GRM1: variants seen among roughly 807,000 people sequenced by gnomAD.
GRM1 encodes metabotropic glutamate receptor 1.
In GRM1, 33 loss-of-function variants were observed where a neutral mutation model predicts 90.9. The ratio of observed to expected loss-of-function variants is 0.36; its 90% CI spans 0.28 to 0.49. The LOEUF is 0.49. Among genes scored for constraint, GRM1 ranks in the 20% least tolerant of loss-of-function variants. The pLI is 0.99. For missense variants in GRM1, 1,190 were observed against 1,534.3 expected, an observed-to-expected ratio of 0.78 and a Z score of 3.75; for synonymous variants, 700 against 613.2, an observed-to-expected ratio of 1.14 and a Z score of -2.09.
At chr6:146,304,127 T>C (rs1186962820) in intron 2 of GRM1, among the ~76,000 whole-genome samples, 1 of 152,202 alleles carries the variant, frequency 6.6e-6, no homozygotes, top group Non-Finnish European at 1.5e-5. Context: ...AAAACTGTGG[T>C]TGGCATGTTT....
intron 1 of GRM1, among the ~76,000 whole-genome samples, chr6:146,120,206 G>A (rs1242370010): frequency 1.3e-5 from 2 of 152,108 alleles, no homozygotes; most frequent in African/African-American, 2.4e-5. Context: ...TGAAGCAATT[G>A]TGAATGGGAG....
intron 3 of GRM1, among the ~76,000 whole-genome samples, chr6:146,329,695 A>G (rs1784518760): frequency 6.6e-6 from 1 of 152,206 alleles, no homozygotes; most frequent in East Asian, 1.9e-4. Flanking sequence ...CTATAAATCA[A>G]AAATGTGTTG....
intron 3 of GRM1, among the ~76,000 whole-genome samples, chr6:146,311,854 T>TAACA (rs1783783914): frequency 6.6e-6 from 1 of 152,212 alleles, no homozygotes; most frequent in South Asian, 2.1e-4. Flanking sequence ...TGATTGATCA[T>TAACA]ATGATTTTTC....
At chr6:146,193,447 C>T (rs1778999635) in intron 2 of GRM1, among the ~76,000 whole-genome samples, 2 of 152,030 alleles carry the variant, frequency 1.3e-5, no homozygotes, top group African/African-American at 4.8e-5. Flanking sequence ...AGATTAACAC[C>T]TAGGAGAGTG....
chr6:146,097,712 T>A (rs373320696), intron 1 of GRM1, among the ~76,000 whole-genome samples: 2 of 152,240 alleles, frequency 1.3e-5, no homozygotes, highest in African/African-American at 4.8e-5. Context: ...ACTTCTGTCC[T>A]CTGCTATCGC....
Position 146,357,577 on chromosome 6 carries a change from G to A in GRM1, c.1485G>A (p.Val495=). The A allele has an allele frequency of 6.2e-7, 1 of 1,613,722 alleles. No homozygotes were observed. Among genetic ancestry groups the A allele is most frequent in the South Asian group, 1.1e-5 (1 of 91,072 alleles). The change falls in exon 5 of 8, where the codon GTG becomes GTA. Residue 495 remains valine (V), a synonymous_variant. Coordinates refer to ENST00000282753, the MANE Select transcript of GRM1 (RefSeq NM_001278064.2). ...CTGAAGCTAATCGCTATGACTATGT[G>A]CACGTTGGAACCTGGCATGAAGGAG... is the stretch of plus-strand genomic sequence containing the variant. ...QYTEANRYDY[V]HVGTWHEGVL...
intron 1 of GRM1, among the ~76,000 whole-genome samples, chr6:146,045,576 G>A (rs1791294743): frequency 6.6e-6 from 1 of 151,562 alleles, no homozygotes; most frequent in African/African-American, 2.4e-5. Flanking sequence ...GAGCTTACAG[G>A]GCTTCACATC....
intron 1 of GRM1, among the ~76,000 whole-genome samples, chr6:146,102,873 A>G (rs1777097111): frequency 6.6e-6 from 1 of 152,200 alleles, no homozygotes; most frequent in Non-Finnish European, 1.5e-5. Context: ...AACTTAGTTG[A>G]GATTTTTGCA....
At chr6:146,424,725 C>T (rs903858223) in intron 7 of GRM1, among the ~76,000 whole-genome samples, 6 of 152,134 alleles carry the variant, frequency 3.9e-5, no homozygotes, top group Non-Finnish European at 7.3e-5. Flanking sequence ...TTGAACAGGC[C>T]ACATACAGAC....
chr6:146,347,168 C>T (rs1785214833), intron 3 of GRM1, among the ~76,000 whole-genome samples: 1 of 152,182 alleles, frequency 6.6e-6, no homozygotes, highest in Admixed American at 6.5e-5. Flanking sequence ...TTACTAACAA[C>T]TCAGAACAAA....
intron 1 of GRM1, among the ~76,000 whole-genome samples, chr6:146,130,024 A>G (rs1217811021): frequency 6.6e-6 from 1 of 152,160 alleles, no homozygotes; most frequent in African/African-American, 2.4e-5. Flanking sequence ...AGGCAATTGT[A>G]GGAAAAAAAT....
At chr6:146,172,116 T>C (rs139168848) in intron 2 of GRM1, among the ~76,000 whole-genome samples, 1 of 152,166 alleles carries the variant, frequency 6.6e-6, no homozygotes, top group African/African-American at 2.4e-5. Context: ...ACAAAAAAGC[T>C]CTGGATGCCA....
intron 2 of GRM1, among the ~76,000 whole-genome samples, chr6:146,230,933 A>G (rs753193566): frequency 5.9e-5 from 9 of 152,178 alleles, no homozygotes; most frequent in Non-Finnish European, 1.2e-4. Context: ...TATAATTCCA[A>G]TTATTTGACA....
chr6:146,350,382 C>T (rs189373559), intron 3 of GRM1, among the ~76,000 whole-genome samples: 1 of 151,994 alleles, frequency 6.6e-6, no homozygotes, highest in African/African-American at 2.4e-5. Context: ...GTTGTAATGA[C>T]TGCAACTTTG....
At chr6:146,108,057 A>G (rs1197752943) in intron 1 of GRM1, among the ~76,000 whole-genome samples, 1 of 152,224 alleles carries the variant, frequency 6.6e-6, no homozygotes, top group African/African-American at 2.4e-5. Context: ...TATATGTGAG[A>G]ATTTCTCATT....
At chr6:146,224,206 G>A (rs916748870) in intron 2 of GRM1, among the ~76,000 whole-genome samples, 1 of 152,088 alleles carries the variant, frequency 6.6e-6, no homozygotes, top group Admixed American at 6.6e-5. Flanking sequence ...AATTCTTTAA[G>A]AAGTTCAGAA....
At chr6:146,093,437 G>T (rs1776774814) in intron 1 of GRM1, among the ~76,000 whole-genome samples, 1 of 152,030 alleles carries the variant, frequency 6.6e-6, no homozygotes, top group African/African-American at 2.4e-5. Flanking sequence ...GAGTACACTG[G>T]ATTTTACTGT....
At chr6:146,342,401 T>C (rs557183623) in intron 3 of GRM1, among the ~76,000 whole-genome samples, 1 of 152,358 alleles carries the variant, frequency 6.6e-6, no homozygotes, top group South Asian at 2.1e-4. Context: ...TTTGTTAATA[T>C]TGTGACAAAT....
chr6:146,130,281 G>A (rs531349733), intron 1 of GRM1, among the ~76,000 whole-genome samples: 6 of 89,300 alleles, frequency 6.7e-5, no homozygotes, highest in Admixed American at 4.9e-4. Context: ...TCTTTCTTTC[G>A]TAAGAAAAAG....
Sources: gnomAD v4.1 joint callset for allele counts (sites outside exome capture counted in the v4.1 genomes callset) on GRCh38, gnomAD v4.1.1 for gene constraint, MANE v1.5 for transcripts, NCBI Gene and HGNC (gene_info 2026-07-23, HGNC 2026-07-21) for gene names.